Variants in IGF1R observed in about 807,000 individuals in gnomAD.
IGF1R encodes the protein insulin like growth factor 1 receptor.
Under a neutral mutation model 144.6 loss-of-function variants are expected in IGF1R, and 44 were observed. The ratio of observed to expected loss-of-function variants is 0.30; its 90% CI spans 0.24 to 0.39. The LOEUF (loss-of-function observed/expected upper bound fraction) is 0.39, where lower values mean the gene tolerates loss of function less well. IGF1R is among the 10% of genes least tolerant of loss of function. IGF1R has a pLI of 1.00. For missense variants in IGF1R, 1,355 were observed against 1,833.7 expected, an observed-to-expected ratio of 0.74 and a Z score of 4.77; for synonymous variants, 795 against 722.8, an observed-to-expected ratio of 1.10 and a Z score of -1.60.
chr15:98,767,893 G>A (rs1006863975), intron 2 of IGF1R, among the ~76,000 whole-genome samples: 3 of 152,084 alleles, frequency 2.0e-5, no homozygotes, highest in African/African-American at 7.2e-5. Flanking sequence ...CCCTGGCATT[G>A]TTTGAATACT....
At chr15:98,872,470 C>T (rs1430822687) in intron 2 of IGF1R, among the ~76,000 whole-genome samples, 1 of 152,180 alleles carries the variant, frequency 6.6e-6, no homozygotes, top group Non-Finnish European at 1.5e-5. Context: ...TACACTTCAG[C>T]TGAGCAGGCA....
At chr15:98,740,242 C>G (rs2054707131) in intron 2 of IGF1R, among the ~76,000 whole-genome samples, 1 of 152,228 alleles carries the variant, frequency 6.6e-6, no homozygotes, top group Non-Finnish European at 1.5e-5. Flanking sequence ...CTGATTTACA[C>G]ACCTCTGTGC....
Position 98,963,065 on chromosome 15 carries a change from G to T in IGF1R, c.*5623G>T, listed in dbSNP as rs1057216561. The T allele has an allele frequency of 4.7e-5, 11 of 233,546 alleles. No individual in the cohort carries two copies. The East Asian group carries it at 6.6e-4, about 14-fold the overall frequency. 14.5% of individuals were successfully genotyped at this position (233,546 alleles called of 1,614,324 possible). A position where few individuals can be genotyped will look rare whatever the true frequency, so the allele number is the denominator to read the frequency against. ...AGATTACGGGTAGTCAGTTGACGAA[G>T]ATCTGGTTTACAAGAACTAATTAAA... On this transcript the variant is annotated 3_prime_UTR_variant, in exon 21 of 21. Transcript: ENST00000650285.
chr15:98,713,828 T>C (rs2054053255), intron 2 of IGF1R, among the ~76,000 whole-genome samples: 1 of 152,200 alleles, frequency 6.6e-6, no homozygotes. Context: ...CTCCAAGTAC[T>C]TTTTAACCCA....
intron 2 of IGF1R, among the ~76,000 whole-genome samples, chr15:98,751,244 A>G (rs1351811748): frequency 6.6e-6 from 1 of 152,144 alleles, no homozygotes; most frequent in Non-Finnish European, 1.5e-5. Context: ...TCTGTCACCC[A>G]GGCTGGGGTG....
At chr15:98,953,356 A>G (rs1470083330) in intron 20 of IGF1R, among the ~76,000 whole-genome samples, 1 of 152,210 alleles carries the variant, frequency 6.6e-6, no homozygotes, top group East Asian at 1.9e-4. Context: ...CTTAGCAGGT[A>G]TCACAACATC....
At chr15:98,906,409 A>C (rs755125841) in intron 5 of IGF1R, among the ~76,000 whole-genome samples, 7 of 152,238 alleles carry the variant, frequency 4.6e-5, no homozygotes, top group South Asian at 2.1e-4. Context: ...GCAGCCCGAC[A>C]TTTGGGGGTG....
chr15:98,889,739 C>A (rs549570517), intron 2 of IGF1R, among the ~76,000 whole-genome samples: 19 of 152,140 alleles, frequency 1.2e-4, no homozygotes, highest in African/African-American at 4.6e-4. Context: ...GGTGGACTTA[C>A]TTGTTCTCTA....
chr15:98,658,415 G>C (rs1185612737), intron 1 of IGF1R, among the ~76,000 whole-genome samples: 2 of 152,142 alleles, frequency 1.3e-5, no homozygotes, highest in Non-Finnish European at 2.9e-5. Flanking sequence ...AAAAATATTT[G>C]GGGGAGACAT....
chr15:98,933,713 C>G (rs1024260096), intron 15 of IGF1R, among the ~76,000 whole-genome samples: 26 of 152,172 alleles, frequency 1.7e-4, no homozygotes, highest in African/African-American at 6.3e-4. Context: ...ACTGTGCATT[C>G]CTCCCAAATC....
intron 2 of IGF1R, among the ~76,000 whole-genome samples, chr15:98,812,150 A>T (rs1398641105): frequency 1.3e-5 from 2 of 152,122 alleles, no homozygotes; most frequent in African/African-American, 4.8e-5. Flanking sequence ...GACCAGTAGA[A>T]ATCATACCAG....
intron 2 of IGF1R, among the ~76,000 whole-genome samples, chr15:98,849,427 A>G (rs1232190642): frequency 1.3e-5 from 2 of 152,246 alleles, no homozygotes; most frequent in African/African-American, 4.8e-5. Flanking sequence ...AGTGAATCCA[A>G]GGTAAAAGTG....
In IGF1R at chr15:98,707,952, A is replaced by T; in HGVS notation, c.485A>T (p.Asp162Val). The T allele has an allele frequency of 6.2e-7, 1 of 1,614,192 alleles. No homozygotes were observed. The highest frequency in any genetic ancestry group is 8.5e-7 in the Non-Finnish European group (1 of 1,180,030). ...LSTVDWSLIL[D>V]AVSNNYIVGN... ...ACTGTGGACTGGTCCCTGATCCTGG[A>T]TGCGGTGTCCAATAACTACATTGTG... The change falls in exon 2 of 21, where the codon GAT becomes GTT. Residue 162 changes from aspartate to valine, a missense_variant. Asp to Val is a radical substitution (Grantham distance 152). Around this residue, in one of 7 missense-constraint regions of IGF1R, gnomAD observed 880 missense variants for 1,202.7 expected, o/e 0.73. Coordinates refer to ENST00000650285, the MANE Select transcript of IGF1R (RefSeq NM_000875.5). This position sits in a 1 kb window ranked among gnomAD's most constrained non-coding sequence, Gnocchi z 6.7.
intron 1 of IGF1R, among the ~76,000 whole-genome samples, chr15:98,655,788 G>A (rs1227682752): frequency 6.6e-6 from 1 of 150,688 alleles, no homozygotes; most frequent in Non-Finnish European, 1.5e-5. Flanking sequence ...GTGTGATCAC[G>A]GCTTGATTCT....
At chr15:98,673,478 A>G (rs2052951208) in intron 1 of IGF1R, among the ~76,000 whole-genome samples, 1 of 152,210 alleles carries the variant, frequency 6.6e-6, no homozygotes, top group Admixed American at 6.5e-5. Flanking sequence ...TGGAAAGAAA[A>G]GACTCAAATC....
intron 2 of IGF1R, among the ~76,000 whole-genome samples, chr15:98,839,750 C>T (rs1567155186): frequency 6.6e-6 from 1 of 152,172 alleles, no homozygotes; most frequent in African/African-American, 2.4e-5. Flanking sequence ...AGCCCAGCCT[C>T]CACAGTGGCT....
At chr15:98,877,513 T>TTTTTCC (rs773470156) in intron 2 of IGF1R, among the ~76,000 whole-genome samples, 40 of 111,422 alleles carry the variant, frequency 3.6e-4, no homozygotes, top group Admixed American at 8.4e-4. Flanking sequence ...TTTTTTTTTT[T>TTTTTCC]CCCCAAAAAA....
intron 2 of IGF1R, among the ~76,000 whole-genome samples, chr15:98,843,818 G>C (rs1027206236): frequency 2.6e-5 from 4 of 152,172 alleles, no homozygotes; most frequent in African/African-American, 9.7e-5. Context: ...TGCTAGAGAA[G>C]AAGCTGCATC....
Position 98,929,547 on chromosome 15 carries a change from CTT to C in IGF1R, c.2783-9_2783-8del, listed in dbSNP as rs1247925262. ...TGGTGATATTTTATCATTTCCTCCT[CTT>C]TGCTGCAGCAGGATATGAAAACTTC... On this transcript the variant is annotated splice_polypyrimidine_tract_variant and intron_variant, in intron 13 of 20. Coordinates refer to ENST00000650285, the MANE Select transcript of IGF1R (RefSeq NM_000875.5). 14 of 1,602,090 alleles carry C rather than the reference CTT, an allele frequency of 8.7e-6. No homozygotes were observed. Among genetic ancestry groups the C allele is most frequent in the Non-Finnish European group, 9.4e-6 (11 of 1,169,064 alleles).
Sources: gnomAD v4.1 joint callset for allele counts (sites outside exome capture counted in the v4.1 genomes callset) on GRCh38, gnomAD v4.1.1 for gene constraint, gnomAD v4.1.1 regional missense constraint, Gnocchi (gnomAD v3.1) non-coding constraint, MANE v1.5 for transcripts, NCBI Gene and HGNC (gene_info 2026-07-23, HGNC 2026-07-21) for gene names.